Variants in LAMTOR3 observed in about 807,000 individuals in gnomAD.
LAMTOR3 encodes the protein ragulator complex protein LAMTOR3.
LAMTOR3 carries 14 observed loss-of-function variants against 20.3 expected under a neutral mutation model. That is an observed-to-expected ratio of 0.69 (90% confidence interval 0.46 to 1.08). The LOEUF (loss-of-function observed/expected upper bound fraction) is 1.08, where lower values mean the gene tolerates loss of function less well. LAMTOR3 is among the 50% of genes least tolerant of loss of function. The probability of loss-of-function intolerance (pLI) is 0.00; values close to 1 mark genes in which losing one functional copy is unlikely to be tolerated. For missense variants in LAMTOR3, 125 were observed against 143.7 expected (o/e 0.87, Z 0.67); for synonymous variants, 40 against 49.4 (o/e 0.81, Z 0.80).
chr4:99,886,220 T>C lies in LAMTOR3; in HGVS notation c.104-545A>G, dbSNP rs1724923444. Among the ~76,000 whole-genome samples the C allele has an allele frequency of 2.6e-5, 4 of 152,158 alleles. No individual in the cohort carries two copies. In the South Asian group the frequency reaches 8.3e-4, roughly 31 times the overall value. ...AATATTAGAGCTGGAAAATCTGAGA[T>C]TATTTTGTTCAAATCCCTCATTACG... is the stretch of plus-strand genomic sequence containing the variant. On this transcript the variant is annotated intron_variant, in intron 4 of 6. Coordinates refer to ENST00000499666, the MANE Select transcript of LAMTOR3 (RefSeq NM_021970.4).
chr4:99,885,261 C>A (rs1414416665), intron 5 of LAMTOR3, among the ~76,000 whole-genome samples: 1 of 152,068 alleles, frequency 6.6e-6, no homozygotes. Flanking sequence ...GTTTAGCTAA[C>A]GGCACCATCT....
intron 3 of LAMTOR3, among the ~76,000 whole-genome samples, chr4:99,889,651 T>C (rs955917060): frequency 6.6e-6 from 1 of 152,210 alleles, no homozygotes; most frequent in South Asian, 2.1e-4. Flanking sequence ...GGTGCCTCTT[T>C]GAGGGGAAAC....
intron 5 of LAMTOR3, among the ~76,000 whole-genome samples, chr4:99,884,970 GAAAA>G (rs941123142): frequency 8.1e-6 from 1 of 123,574 alleles, no homozygotes; most frequent in East Asian, 2.3e-4. Context: ...TGTCTTGGAA[GAAAA>G]AAAAAAAAAG....
chr4:99,891,307 C>T (rs1725018771), intron 3 of LAMTOR3, among the ~76,000 whole-genome samples: 1 of 152,180 alleles, frequency 6.6e-6, no homozygotes, highest in African/African-American at 2.4e-5. Context: ...CCAATATGCA[C>T]ATTTTAGTTA....
chr4:99,881,748 C>T lies in LAMTOR3; in HGVS notation c.*246G>A, dbSNP rs775223542. On this transcript the variant is annotated 3_prime_UTR_variant, in exon 7 of 7. Coordinates refer to ENST00000499666, the MANE Select transcript of LAMTOR3 (RefSeq NM_021970.4). ...GGTGACCAGACTAACTCCATGGGAG[C>T]TGTGATAGACTGAACCATTTCTGTG... 2.4e-6 allele frequency: 1 copy of T among 421,396 alleles called. No homozygotes were observed. Among genetic ancestry groups the T allele is most frequent in the Non-Finnish European group, 4.2e-6 (1 of 236,960 alleles). 26.1% of individuals were successfully genotyped at this position (421,396 alleles called of 1,614,324 possible). A position where few individuals can be genotyped will look rare whatever the true frequency, so the allele number is the denominator to read the frequency against.
chr4:99,892,881 T>C (rs1377445144), intron 2 of LAMTOR3, among the ~76,000 whole-genome samples: 4 of 152,292 alleles, frequency 2.6e-5, no homozygotes, highest in Non-Finnish European at 2.9e-5. Context: ...CGTTTTACCA[T>C]GTTGGCCAGG....
chr4:99,884,826 C>T (rs990462064), intron 5 of LAMTOR3, among the ~76,000 whole-genome samples: 5 of 151,820 alleles, frequency 3.3e-5, no homozygotes, highest in Non-Finnish European at 7.4e-5. Context: ...TTAGCCAGGC[C>T]TGGTGGCACA....
At chr4:99,885,738 CT>C (rs991997629) in intron 4 of LAMTOR3, 63 bp from the exon 5 acceptor site, 87 of 1,377,340 alleles carry the variant, frequency 6.3e-5, no homozygotes, top group East Asian at 9.8e-5. Flanking sequence ...ATTTACAGCC[CT>C]TTTTTTTCAT....
intron 2 of LAMTOR3, 106 bp downstream of exon 2, chr4:99,893,849 G>T: frequency 1.2e-6 from 1 of 805,788 alleles, no homozygotes; most frequent in Non-Finnish European, 1.9e-6. Flanking sequence ...GTGGGGCTGG[G>T]AGGATCAAAA....
intron 3 of LAMTOR3, among the ~76,000 whole-genome samples, chr4:99,889,848 C>CATGG (rs1724992380): frequency 6.6e-6 from 1 of 152,040 alleles, no homozygotes; most frequent in African/African-American, 2.4e-5. Flanking sequence ...TTTAAATTTC[C>CATGG]ATGGAAATTA....
Position 99,887,232 on chromosome 4 carries a change from GT to G in LAMTOR3, c.103+63del, listed in dbSNP as rs573835713. 2.4e-3 allele frequency: 2,586 copies of G among 1,078,966 alleles called. 9 individuals carry two copies. Among genetic ancestry groups the G allele is most frequent in the South Asian group, 4.5e-3 (303 of 67,262 alleles). The allele number at this position is 1,078,966 out of a possible 1,614,324, so 66.8% of individuals were successfully genotyped here. A position where few individuals can be genotyped will look rare whatever the true frequency, so the allele number is the denominator to read the frequency against. On this transcript the variant is annotated intron_variant, in intron 4 of 6. Transcript: ENST00000499666. The stretch of plus-strand genomic sequence containing the variant: ...TGTTTGCCTGCTGTACTACTCAGAT[GT>G]AAATTACACACATTTTTAGTCAAAA...
intron 4 of LAMTOR3, among the ~76,000 whole-genome samples, chr4:99,886,697 A>C (rs530534170): frequency 1.3e-3 from 197 of 152,324 alleles, no homozygotes; most frequent in African/African-American, 4.6e-3. Context: ...GGAAAATTGT[A>C]AACAAAATAT....
chr4:99,887,304 A>T lies in LAMTOR3; in HGVS notation c.95T>A (p.Val32Asp), dbSNP rs1447356007. 1.3e-6 allele frequency: 2 copies of T among 1,566,328 alleles called. No homozygotes were observed. The highest frequency in any genetic ancestry group is 1.8e-5 in the Admixed American group (1 of 54,898). Residue 32 changes from valine to aspartate, a missense_variant, in exon 4 of 7, where the codon GTT (valine) becomes GAT (aspartate). Physicochemically the swap from Val to Asp is radical, Grantham distance 152 (BLOSUM62 -3). Transcript: ENST00000499666. ...IVVSDRDGVP[V>D]IKVANDNAPE... ...TAAATGTTCAGTTTTACCTTTAATA[A>T]CAGGTACTCCATCTCTATCTGACAC...
At chr4:99,892,928 C>A (rs1435578456) in intron 2 of LAMTOR3, among the ~76,000 whole-genome samples, 3 of 152,300 alleles carry the variant, frequency 2.0e-5, no homozygotes, top group Non-Finnish European at 4.4e-5. Flanking sequence ...GATCCACCCG[C>A]CTTGGCCTCC....
chr4:99,884,513 T>G (rs1462559817), intron 5 of LAMTOR3, among the ~76,000 whole-genome samples: 1 of 152,190 alleles, frequency 6.6e-6, no homozygotes, highest in Non-Finnish European at 1.5e-5. Context: ...CTGGTTCTTG[T>G]GTATTACTGT....
chr4:99,885,804 TATCACTAATGGGGTCTC>T (rs1265590988), intron 4 of LAMTOR3, 129 bp from the exon 5 acceptor site: 19 of 749,894 alleles, frequency 2.5e-5, no homozygotes, highest in Admixed American at 6.6e-5. Context: ...TTGAAAATCA[TATCACTAATGGGGTCTC>T]ATCACTAATC....
chr4:99,889,462 G>T (rs1328474504), intron 3 of LAMTOR3, among the ~76,000 whole-genome samples: 1 of 152,128 alleles, frequency 6.6e-6, no homozygotes, highest in Non-Finnish European at 1.5e-5. Flanking sequence ...TATGTACCAG[G>T]AAAGATTACT....
In LAMTOR3 at chr4:99,887,357, A is replaced by C; in HGVS notation, c.45-3T>G. 1 of 1,384,254 alleles carries C rather than the reference A, an allele frequency of 7.2e-7. No homozygotes were observed. Among genetic ancestry groups the C allele is most frequent in the Non-Finnish European group, 9.7e-7 (1 of 1,030,488 alleles). The allele number at this position is 1,384,254 out of a possible 1,614,324, so 85.7% of individuals were successfully genotyped here. On this transcript the variant is annotated splice_region_variant and splice_polypyrimidine_tract_variant and intron_variant, in intron 3 of 6. Coordinates refer to ENST00000499666, the MANE Select transcript of LAMTOR3 (RefSeq NM_021970.4). ...CAATGGCATGGAGCCCTTCAACACTAGAAAAAGAAAATAGTTAAAATATAA... is the reference window on the plus strand; with the variant it reads ...CAATGGCATGGAGCCCTTCAACACTCGAAAAAGAAAATAGTTAAAATATAA...
In LAMTOR3 at chr4:99,878,838, T is replaced by C. The variant is rs1724761493; in HGVS notation, c.*3156A>G. On this transcript the variant is annotated 3_prime_UTR_variant, in exon 7 of 7. Coordinates refer to ENST00000499666, the MANE Select transcript of LAMTOR3 (RefSeq NM_021970.4). ...TTATCCAAGAACAGCAGGTATAAAC[T>C]GGTAGTGTTCAAAAAGCCAAAGCAT... 2.0e-5 allele frequency: 3 copies of C among 152,206 alleles called. No individual in the cohort carries two copies. In the South Asian group the frequency reaches 6.2e-4, roughly 31 times the overall value. 9.4% of individuals were successfully genotyped at this position (152,206 alleles called of 1,614,324 possible).
Sources: gnomAD v4.1 joint callset for allele counts (sites outside exome capture counted in the v4.1 genomes callset) on GRCh38, gnomAD v4.1.1 for gene constraint, MANE v1.5 for transcripts, NCBI Gene and HGNC (gene_info 2026-07-23, HGNC 2026-07-21) for gene names.